CRB1: variants seen among roughly 807,000 people sequenced by gnomAD.
CRB1 encodes the protein crumbs cell polarity complex component 1, also known as protein crumbs homolog 1.
In CRB1, 83 loss-of-function variants were observed where a neutral mutation model predicts 120.0. That is an observed-to-expected ratio of 0.69 (90% CI 0.58 to 0.83). The LOEUF is 0.83. Among genes scored for constraint, CRB1 ranks in the 40% least tolerant of loss-of-function variants. The probability of loss-of-function intolerance (pLI) is 0.00; values close to 1 mark genes in which losing one functional copy is unlikely to be tolerated. For synonymous variants in CRB1, 625 were observed against 612.5 expected, an observed-to-expected ratio of 1.02 and a Z score of -0.30; for missense variants, 1,699 against 1,687.6, an observed-to-expected ratio of 1.01 and a Z score of -0.12.
Position 197,344,337 on chromosome 1 carries a change from G to A in CRB1, c.709G>A (p.Ala237Thr), listed in dbSNP as rs761390003. Residue 237 changes from alanine (A) to threonine (T), a missense_variant, in exon 3 of 12, where the codon GCA (alanine) becomes ACA (threonine). Ala to Thr is a moderately conservative substitution (Grantham distance 58). Transcript: ENST00000367400. ...ECWSQPCLNG[A>T]TCQDALGAYF... is the part of the protein sequence containing the mutation. ...TTGGTCCCAGCCTTGTTTAAATGGT[G>A]CAACTTGTCAGGATGCTCTGGGGGC... The A allele has an allele frequency of 1.3e-5, 21 of 1,614,174 alleles. No homozygotes were observed. The highest frequency in any genetic ancestry group is 1.5e-5 in the Non-Finnish European group (18 of 1,180,022).
At chr1:197,249,350 G>T in the CRB1 span, among the ~76,000 whole-genome samples, 16 of 151,812 alleles carry the variant, frequency 1.1e-4, no homozygotes, top group South Asian at 3.3e-3. Flanking sequence ...CTTGTACAAA[G>T]AACATGGAAT....
At chr1:197,386,420 C>A (rs753928816) in intron 5 of CRB1, among the ~76,000 whole-genome samples, 1 of 152,110 alleles carries the variant, frequency 6.6e-6, no homozygotes, top group Non-Finnish European at 1.5e-5. Flanking sequence ...AGTTACCAAT[C>A]TCTCAGTCAA....
chr1:197,406,096 C>G (rs1361990516), intron 5 of CRB1, among the ~76,000 whole-genome samples: 3 of 152,252 alleles, frequency 2.0e-5, no homozygotes, highest in Non-Finnish European at 4.4e-5. Context: ...TCATTGAGAA[C>G]GGGCCATGAT....
chr1:197,383,325 A>G (rs1662050978), intron 5 of CRB1, among the ~76,000 whole-genome samples: 1 of 152,186 alleles, frequency 6.6e-6, no homozygotes, highest in African/African-American at 2.4e-5. Context: ...TCTAAGCTTC[A>G]TCTCTGAATC....
intron 1 of CRB1, among the ~76,000 whole-genome samples, chr1:197,289,404 T>C (rs1002047549): frequency 6.6e-6 from 1 of 151,864 alleles, no homozygotes; most frequent in Admixed American, 6.6e-5. Context: ...ATTTTCTTTC[T>C]GGTTTCTTAA....
At chr1:197,438,321 A>C (rs1019906398) in intron 9 of CRB1, among the ~76,000 whole-genome samples, 1 of 152,198 alleles carries the variant, frequency 6.6e-6, no homozygotes, top group African/African-American at 2.4e-5. Flanking sequence ...AAAACTGTGT[A>C]GAAATGGAAG....
At chr1:197,308,679 A>T (rs954937369) in intron 1 of CRB1, among the ~76,000 whole-genome samples, 7 of 152,006 alleles carry the variant, frequency 4.6e-5, no homozygotes. Flanking sequence ...TATTAGTTGT[A>T]TGATGAGGAT....
At chr1:197,442,473 C>T in intron 11 of CRB1, 181 bp downstream of exon 11, 2 of 1,521,504 alleles carry the variant, frequency 1.3e-6, no homozygotes, top group Middle Eastern at 1.7e-4. Context: ...TCAAGAAATG[C>T]CTTGATTCAT....
chr1:197,300,295 G>A (rs1656790085), intron 1 of CRB1, among the ~76,000 whole-genome samples: 1 of 151,902 alleles, frequency 6.6e-6, no homozygotes, highest in Non-Finnish European at 1.5e-5. Context: ...ATCCTGTTGT[G>A]CCAAACAGCC....
chr1:197,408,086 G>A (rs1245191324), intron 5 of CRB1, among the ~76,000 whole-genome samples: 1 of 152,094 alleles, frequency 6.6e-6, no homozygotes, highest in Admixed American at 6.5e-5. Flanking sequence ...ACACTTATAA[G>A]AGTTACCATG....
chr1:197,381,378 A>G (rs1661948492), intron 5 of CRB1, among the ~76,000 whole-genome samples: 2 of 152,230 alleles, frequency 1.3e-5, no homozygotes, highest in Non-Finnish European at 1.5e-5. Context: ...TCATAGGTAA[A>G]TTCAAATTAT....
intron 5 of CRB1, among the ~76,000 whole-genome samples, chr1:197,391,311 T>G (rs950067869): frequency 6.6e-6 from 1 of 152,114 alleles, no homozygotes; most frequent in African/African-American, 2.4e-5. Context: ...ATAATAACCA[T>G]TGATCCCACA....
intron 5 of CRB1, among the ~76,000 whole-genome samples, chr1:197,389,091 A>G (rs937681377): frequency 6.6e-6 from 1 of 152,106 alleles, no homozygotes; most frequent in African/African-American, 2.4e-5. Context: ...AGAAAATGGA[A>G]CCCTTGTGCA....
At chr1:197,327,981 A>G (rs1285804840) in intron 1 of CRB1, among the ~76,000 whole-genome samples, 2 of 152,252 alleles carry the variant, frequency 1.3e-5, no homozygotes, top group East Asian at 3.8e-4. Context: ...AACAGCCAGT[A>G]GATGGCAAAC....
chr1:197,335,833 G>C (rs1202202172), intron 2 of CRB1, among the ~76,000 whole-genome samples: 2 of 152,136 alleles, frequency 1.3e-5, no homozygotes, highest in Admixed American at 1.3e-4. Flanking sequence ...TCCCCTCCCT[G>C]TTCCACCCTT....
chr1:197,229,099 C>CTT, the CRB1 span, among the ~76,000 whole-genome samples: 3 of 151,972 alleles, frequency 2.0e-5, no homozygotes, highest in Non-Finnish European at 4.4e-5. Flanking sequence ...TATCAAGGAC[C>CTT]CTCTCCGAGA....
At chr1:197,274,530 A>C (rs1381374719) in intron 1 of CRB1, among the ~76,000 whole-genome samples, 2 of 152,216 alleles carry the variant, frequency 1.3e-5, no homozygotes, top group African/African-American at 4.8e-5. Context: ...ACATTTTGAC[A>C]AATGCACCAT....
intron 11 of CRB1, chr1:197,443,211 G>T (rs991916811): frequency 6.6e-5 from 10 of 150,686 alleles, no homozygotes; most frequent in Admixed American, 2.6e-4. Flanking sequence ...CAAATGAATT[G>T]TTACGTTTTC....
chr1:197,256,236 A>C, the CRB1 span, among the ~76,000 whole-genome samples: 1 of 151,548 alleles, frequency 6.6e-6, no homozygotes, highest in Non-Finnish European at 1.5e-5. Context: ...CCTTCTAGGA[A>C]ACCATCTTTT....
Sources: allele counts gnomAD v4.1 joint callset (sites outside exome capture counted in the v4.1 genomes callset), GRCh38; gene constraint gnomAD v4.1.1; transcripts MANE v1.5; gene names NCBI Gene and HGNC (gene_info 2026-07-23, HGNC 2026-07-21).